The following BMERB1 variants were observed in gnomAD, a reference collection of about 807,000 sequenced individuals.
BMERB1 encodes bMERB domain-containing protein 1.
In BMERB1, 12 loss-of-function variants were observed where a neutral mutation model predicts 23.6. The ratio of observed to expected loss-of-function variants is 0.51; its 90% confidence interval spans 0.33 to 0.82. The LOEUF (loss-of-function observed/expected upper bound fraction) is 0.82, where lower values mean the gene tolerates loss of function less well. BMERB1 is among the 40% of genes least tolerant of loss of function. The pLI, the probability that BMERB1 is intolerant of heterozygous loss-of-function variation, is 0.03. For synonymous variants in BMERB1, 122 were observed against 96.6 expected (o/e 1.26, Z -1.54); for missense variants, 247 against 255.4 (o/e 0.97, Z 0.22).
At chr16:15,564,638 C>G (rs1299951492) in intron 2 of BMERB1, among the ~76,000 whole-genome samples, 1 of 152,204 alleles carries the variant, frequency 6.6e-6, no homozygotes, top group African/African-American at 2.4e-5. Context: ...TGTGTTTTAA[C>G]TAGCTAAACA....
intron 1 of BMERB1, among the ~76,000 whole-genome samples, chr16:15,454,393 C>T (rs1480184715): frequency 6.6e-6 from 1 of 152,196 alleles, no homozygotes; most frequent in African/African-American, 2.4e-5. Flanking sequence ...GAGTTGCTTC[C>T]TTTCCCCCCA....
In BMERB1 at chr16:15,587,366, A is replaced by T. The variant is rs2150979881; in HGVS notation, c.*537A>T. On this transcript the variant is annotated 3_prime_UTR_variant, in exon 6 of 6. Coordinates refer to ENST00000300006, the MANE Select transcript of BMERB1 (RefSeq NM_033201.3). Reference sequence around the variant, plus strand: ...CCCCCGTGTCTCTCGGGCACCACCCATATAGCAGTCCCAGAGGGCCCATCT... The same window carrying T: ...CCCCCGTGTCTCTCGGGCACCACCCTTATAGCAGTCCCAGAGGGCCCATCT... The T allele has an allele frequency of 3.8e-6, 1 of 266,398 alleles. No homozygotes were observed. The highest frequency in any genetic ancestry group is 3.1e-5 in the South Asian group (1 of 32,590). The allele number at this position is 266,398 out of a possible 1,614,324, so 16.5% of individuals were successfully genotyped here. A position where few individuals can be genotyped will look rare whatever the true frequency, so the allele number is the denominator to read the frequency against.
At chr16:15,565,873 C>G (rs562854161) in intron 2 of BMERB1, among the ~76,000 whole-genome samples, 1 of 152,230 alleles carries the variant, frequency 6.6e-6, no homozygotes, top group East Asian at 1.9e-4. Context: ...ACAACAAAGA[C>G]AAAGACACGC....
chr16:15,461,661 G>A (rs752175298), intron 1 of BMERB1, among the ~76,000 whole-genome samples: 1 of 152,122 alleles, frequency 6.6e-6, no homozygotes, highest in Non-Finnish European at 1.5e-5. Flanking sequence ...GGTAGCTCAT[G>A]CCTGTAATCC....
At chr16:15,522,053 C>T (rs2051859480) in intron 2 of BMERB1, among the ~76,000 whole-genome samples, 1 of 152,198 alleles carries the variant, frequency 6.6e-6, no homozygotes, top group South Asian at 2.1e-4. Flanking sequence ...AGTCTACCAA[C>T]CCGCTCCTGC....
At chr16:15,451,552 CTTTTTTTTT>C (rs35544766) in intron 1 of BMERB1, among the ~76,000 whole-genome samples, 4 of 84,020 alleles carry the variant, frequency 4.8e-5, no homozygotes, top group Admixed American at 3.2e-4. Flanking sequence ...CTTAGTATTT[CTTTTTTTTT>C]TTTTTTTTTT....
intron 2 of BMERB1, among the ~76,000 whole-genome samples, chr16:15,534,922 C>T (rs930013532): frequency 1.3e-5 from 2 of 152,186 alleles, no homozygotes; most frequent in Non-Finnish European, 2.9e-5. Flanking sequence ...CATTATCTCC[C>T]CAAGATACAT....
chr16:15,437,374 A>G (rs1041715133), intron 1 of BMERB1, among the ~76,000 whole-genome samples: 25 of 152,296 alleles, frequency 1.6e-4, no homozygotes, highest in Non-Finnish European at 3.2e-4. Flanking sequence ...TTTATTGTGT[A>G]TACTAAATAA....
intron 2 of BMERB1, among the ~76,000 whole-genome samples, chr16:15,556,873 C>G (rs944823044): frequency 6.6e-6 from 1 of 152,158 alleles, no homozygotes; most frequent in Non-Finnish European, 1.5e-5. Context: ...CGTGAGCCAC[C>G]GCGCCCGGCC....
intron 1 of BMERB1, among the ~76,000 whole-genome samples, chr16:15,469,585 AT>A (rs1290653225): frequency 6.6e-6 from 1 of 152,182 alleles, no homozygotes; most frequent in Non-Finnish European, 1.5e-5. Flanking sequence ...AGTGTAACTG[AT>A]ATCTTTACTA....
At chr16:15,447,096 T>C (rs1317427101) in intron 1 of BMERB1, among the ~76,000 whole-genome samples, 1 of 152,202 alleles carries the variant, frequency 6.6e-6, no homozygotes, top group Non-Finnish European at 1.5e-5. Context: ...ATTTCAGTTT[T>C]CTCATCTGTA....
At chr16:15,559,417 C>T (rs920371244) in intron 2 of BMERB1, among the ~76,000 whole-genome samples, 1 of 152,150 alleles carries the variant, frequency 6.6e-6, no homozygotes, top group Non-Finnish European at 1.5e-5. Context: ...GAGGAGACAA[C>T]ACGGTGAAAT....
intron 1 of BMERB1, among the ~76,000 whole-genome samples, chr16:15,443,895 G>T (rs966428453): frequency 1.3e-5 from 2 of 151,894 alleles, no homozygotes; most frequent in African/African-American, 4.8e-5. Context: ...CTGAACAACA[G>T]AGCGAGACTC....
intron 1 of BMERB1, among the ~76,000 whole-genome samples, chr16:15,472,860 C>A (rs201229413): frequency 7.5e-6 from 1 of 133,850 alleles, no homozygotes; most frequent in African/African-American, 2.8e-5. Flanking sequence ...AGGATTCCAT[C>A]TTTTTTTTTT....
chr16:15,524,734 G>A (rs550852943), intron 2 of BMERB1, among the ~76,000 whole-genome samples: 1 of 152,320 alleles, frequency 6.6e-6, no homozygotes. Flanking sequence ...TTGTGCCACT[G>A]CATTCCAGCC....
intron 1 of BMERB1, among the ~76,000 whole-genome samples, chr16:15,437,066 T>C (rs967995090): frequency 2.0e-5 from 3 of 152,210 alleles, no homozygotes; most frequent in African/African-American, 7.2e-5. Flanking sequence ...AACCCCGGTC[T>C]GTTGGACCCC....
chr16:15,443,983 A>AAG (rs1417062336), intron 1 of BMERB1, among the ~76,000 whole-genome samples: 1 of 151,998 alleles, frequency 6.6e-6, no homozygotes, highest in Non-Finnish European at 1.5e-5. Flanking sequence ...GCCAACAGCA[A>AAG]AGAGGGGTGT....
At chr16:15,443,081 C>G (rs1237884973) in intron 1 of BMERB1, among the ~76,000 whole-genome samples, 1 of 151,940 alleles carries the variant, frequency 6.6e-6, no homozygotes, top group Non-Finnish European at 1.5e-5. Flanking sequence ...AACCCCATCT[C>G]TACCAAAAAT....
At chr16:15,462,382 G>C (rs2051143797) in intron 1 of BMERB1, among the ~76,000 whole-genome samples, 1 of 151,882 alleles carries the variant, frequency 6.6e-6, no homozygotes, top group Admixed American at 6.6e-5. Context: ...TTGAAGTCCT[G>C]ACCTTGTGAT....
Sources: allele counts gnomAD v4.1 joint callset (sites outside exome capture counted in the v4.1 genomes callset), GRCh38; gene constraint gnomAD v4.1.1; transcripts MANE v1.5; gene names NCBI Gene and HGNC (gene_info 2026-07-23, HGNC 2026-07-21).